Variants in PTTG1IP2 observed in about 807,000 individuals in gnomAD.
PTTG1IP2 encodes the protein PTTG1IP family member 2.
Position 90,480,021 on chromosome 7 carries a change from C to T in PTTG1IP2, c.192+747C>T, listed in dbSNP as rs553583537. 3.0e-4 allele frequency among the ~76,000 whole-genome samples: 46 copies of T among 152,288 alleles called. 1 individual carries two copies. Among genetic ancestry groups the T allele is most frequent in the Admixed American group, 1.2e-3 (19 of 15,308 alleles). On this transcript the variant is annotated intron_variant, in intron 2 of 6. Coordinates refer to ENST00000509356, the MANE Select transcript of PTTG1IP2 (RefSeq NM_001365443.2). ...GAGGACCTGGGCTTCTGGCTCATGG[C>T]ATTCTCCAGCCAGTTCATACTACCA...
At chr7:90,502,075 A>G (rs1798067192) in intron 6 of PTTG1IP2, among the ~76,000 whole-genome samples, 1 of 152,202 alleles carries the variant, frequency 6.6e-6, no homozygotes, top group South Asian at 2.1e-4. Context: ...TTGCTCATCC[A>G]TAACAAGTGG....
At chr7:90,476,584 T>TGGAA (rs1562983539) in intron 1 of PTTG1IP2, among the ~76,000 whole-genome samples, 1 of 152,004 alleles carries the variant, frequency 6.6e-6, no homozygotes, top group Non-Finnish European at 1.5e-5. Flanking sequence ...AATAAATTGA[T>TGGAA]GGAATAGGAT....
At chr7:90,491,704 G>A (rs911963871) in intron 4 of PTTG1IP2, among the ~76,000 whole-genome samples, 1 of 151,548 alleles carries the variant, frequency 6.6e-6, no homozygotes, top group Admixed American at 6.6e-5. Context: ...AAGTAAACAA[G>A]CAATTGTTAA....
intron 2 of PTTG1IP2, among the ~76,000 whole-genome samples, chr7:90,486,531 C>A (rs1294937511): frequency 7.0e-6 from 1 of 143,576 alleles, no homozygotes. Context: ...TGTTTTTCAC[C>A]TTTATGCCTT....
rs144907444 is a variant in PTTG1IP2 at position 90,472,279 on chromosome 7, AACACACACACACACACACAC to A, written c.145+2371_145+2390del. ...ATAAAGGAGTATACGATAGCATGCA[AACACACACACACACACACAC>A]ACACACACACACACACACACACCCC... is the stretch of plus-strand genomic sequence containing the variant. On this transcript the variant is annotated intron_variant, in intron 1 of 6. Transcript: ENST00000509356. Among the ~76,000 whole-genome samples the A allele has an allele frequency of 2.0e-3, 276 of 138,050 alleles. 1 individual carries two copies. The highest frequency in any genetic ancestry group is 6.4e-3 in the African/African-American group (245 of 38,364). The allele number at this position is 138,050 out of a possible 152,430, so 90.6% of individuals were successfully genotyped here. A position where few individuals can be genotyped will look rare whatever the true frequency, so the allele number is the denominator to read the frequency against.
intron 5 of PTTG1IP2, 64 bp downstream of exon 5, chr7:90,492,373 T>C (rs1302720644): frequency 6.6e-6 from 1 of 152,190 alleles, no homozygotes; most frequent in Non-Finnish European, 1.5e-5. Context: ...TGCTCCCTTG[T>C]TCCAAACATC....
chr7:90,480,531 G>A (rs893440796), intron 2 of PTTG1IP2, among the ~76,000 whole-genome samples: 1 of 151,966 alleles, frequency 6.6e-6, no homozygotes, highest in Middle Eastern at 3.4e-3. Flanking sequence ...GTATTATTTT[G>A]AAGCAAATGA....
At chr7:90,504,016 A>C (rs1160832980) in intron 6 of PTTG1IP2, among the ~76,000 whole-genome samples, 1 of 151,930 alleles carries the variant, frequency 6.6e-6, no homozygotes, top group Non-Finnish European at 1.5e-5. Flanking sequence ...GGTTTGGTGA[A>C]GTAGAAAAAA....
chr7:90,486,712 A>T (rs1233383339), intron 2 of PTTG1IP2, among the ~76,000 whole-genome samples: 3 of 152,128 alleles, frequency 2.0e-5, no homozygotes, highest in Non-Finnish European at 4.4e-5. Context: ...AGAGGAATGG[A>T]AAGAGTGATA....
intron 2 of PTTG1IP2, among the ~76,000 whole-genome samples, chr7:90,480,292 C>T (rs1797801566): frequency 6.6e-6 from 1 of 152,156 alleles, no homozygotes; most frequent in African/African-American, 2.4e-5. Flanking sequence ...TCCTTTAACA[C>T]TCTTCTTTTC....
At chr7:90,483,915 A>G (rs1053467122) in intron 2 of PTTG1IP2, among the ~76,000 whole-genome samples, 4 of 152,084 alleles carry the variant, frequency 2.6e-5, no homozygotes, top group Admixed American at 2.6e-4. Flanking sequence ...CACATCTTTC[A>G]CAGTCCTGGT....
Position 90,503,119 on chromosome 7 carries a change from G to A in PTTG1IP2, c.*50+8689G>A, listed in dbSNP as rs541725911. ...CTTCTACATTAGCACCTGCTGCTTC[G>A]CCTTGCACTTTTTTATTATGGAGAT... On this transcript the variant is annotated intron_variant, in intron 6 of 6. Coordinates refer to ENST00000509356, the MANE Select transcript of PTTG1IP2 (RefSeq NM_001365443.2). Among the ~76,000 whole-genome samples the A allele has an allele frequency of 1.2e-3, 183 of 152,198 alleles. 1 individual carries two copies. Among genetic ancestry groups the A allele is most frequent in the African/African-American group, 4.2e-3 (174 of 41,526 alleles).
intron 6 of PTTG1IP2, among the ~76,000 whole-genome samples, chr7:90,499,677 G>A (rs1562988758): frequency 2.0e-5 from 3 of 151,924 alleles, no homozygotes; most frequent in Admixed American, 2.0e-4. Flanking sequence ...TCTGCCTCCC[G>A]GGTTCAAGCG....
At chr7:90,488,558 A>C (rs1797903401) in intron 3 of PTTG1IP2, among the ~76,000 whole-genome samples, 1 of 152,042 alleles carries the variant, frequency 6.6e-6, no homozygotes, top group Non-Finnish European at 1.5e-5. Flanking sequence ...TTGTTGTTTT[A>C]CCTATTAAGA....
At chr7:90,509,075 C>T (rs572142460) in intron 6 of PTTG1IP2, among the ~76,000 whole-genome samples, 67 of 149,412 alleles carry the variant, frequency 4.5e-4, no homozygotes, top group African/African-American at 1.5e-3. Context: ...TTAAAGATGA[C>T]ATGGAAATAT....
intron 6 of PTTG1IP2, among the ~76,000 whole-genome samples, chr7:90,511,088 T>TGG: frequency 6.6e-6 from 1 of 152,040 alleles, no homozygotes; most frequent in South Asian, 2.1e-4. Flanking sequence ...TTTTTTTTTT[T>TGG]GTAATCACTG....
At chr7:90,505,790 C>T (rs1260884011) in intron 6 of PTTG1IP2, among the ~76,000 whole-genome samples, 1 of 151,770 alleles carries the variant, frequency 6.6e-6, no homozygotes, top group Non-Finnish European at 1.5e-5. Context: ...CGAGACCATC[C>T]TGGCTAACAA....
At chr7:90,499,928 TC>T (rs1798042932) in intron 6 of PTTG1IP2, among the ~76,000 whole-genome samples, 3 of 151,810 alleles carry the variant, frequency 2.0e-5, no homozygotes, top group African/African-American at 7.3e-5. Context: ...AAACAATTAG[TC>T]CTCACCGGGT....
intron 6 of PTTG1IP2, among the ~76,000 whole-genome samples, chr7:90,504,907 G>A (rs1250628994): frequency 6.6e-6 from 1 of 152,090 alleles, no homozygotes; most frequent in East Asian, 1.9e-4. Context: ...AATACTCAGG[G>A]TTGTTTGTTT....
Sources: allele counts gnomAD v4.1 joint callset (sites outside exome capture counted in the v4.1 genomes callset), GRCh38; gene constraint gnomAD v4.1.1; transcripts MANE v1.5; gene names NCBI Gene and HGNC (gene_info 2026-07-23, HGNC 2026-07-21).